Variants in NEK1 observed in about 807,000 individuals in gnomAD.
NEK1 encodes the protein serine/threonine-protein kinase Nek1.
NEK1 carries 137 observed loss-of-function variants against 182.1 expected under a neutral mutation model. The ratio of observed to expected loss-of-function variants is 0.75; its 90% CI spans 0.65 to 0.87. The LOEUF is 0.87. Among genes scored for constraint, NEK1 ranks in the 40% least tolerant of loss-of-function variants. The pLI is 0.00. For missense variants in NEK1, 1,391 were observed against 1,494.4 expected (o/e 0.93, Z 1.14); for synonymous variants, 513 against 492.2 (o/e 1.04, Z -0.56).
chr4:169,460,554 C>T (rs563654992), intron 27 of NEK1, among the ~76,000 whole-genome samples: 3 of 151,538 alleles, frequency 2.0e-5, no homozygotes, highest in Non-Finnish European at 4.4e-5. Flanking sequence ...ACTATGTATC[C>T]AAAACTCCTA....
chr4:169,455,537 T>C (rs1742706473), intron 27 of NEK1, among the ~76,000 whole-genome samples: 1 of 152,142 alleles, frequency 6.6e-6, no homozygotes, highest in Admixed American at 6.6e-5. Flanking sequence ...ATTATATAAT[T>C]ATAAAATGGT....
intron 12 of NEK1, among the ~76,000 whole-genome samples, chr4:169,567,020 G>A (rs1418273386): frequency 6.6e-6 from 1 of 152,006 alleles, no homozygotes; most frequent in Non-Finnish European, 1.5e-5. Flanking sequence ...AGCCTGGGAG[G>A]TGGAGGTTGT....
intron 24 of NEK1, 29 bp downstream of exon 24, chr4:169,479,374 T>A (rs756396441): frequency 6.3e-7 from 1 of 1,586,332 alleles, no homozygotes; most frequent in Non-Finnish European, 8.6e-7. Flanking sequence ...CTTTTGACTT[T>A]GAGGAGTTCT....
chr4:169,589,343 A>G (rs1336948633), intron 7 of NEK1, 104 bp downstream of exon 7: 16 of 727,002 alleles, frequency 2.2e-5, no homozygotes, highest in Non-Finnish European at 2.8e-5. Context: ...ACATCCCAGT[A>G]AAGAATGTAC....
At chr4:169,515,206 G>A (rs1754958111) in intron 19 of NEK1, among the ~76,000 whole-genome samples, 1 of 152,060 alleles carries the variant, frequency 6.6e-6, no homozygotes, top group African/African-American at 2.4e-5. Context: ...TTATAATTCA[G>A]TATATTATCT....
chr4:169,535,756 T>G (rs923983991), intron 19 of NEK1, among the ~76,000 whole-genome samples: 14 of 151,116 alleles, frequency 9.3e-5, no homozygotes, highest in Admixed American at 3.3e-4. Flanking sequence ...GACAGACGCC[T>G]GGAATCCCAG....
chr4:169,528,890 G>A (rs1018406347), intron 19 of NEK1, among the ~76,000 whole-genome samples: 1 of 151,814 alleles, frequency 6.6e-6, no homozygotes, highest in Non-Finnish European at 1.5e-5. Flanking sequence ...CCTAACAAAC[G>A]TAAAAGGACT....
At chr4:169,523,276 T>C (rs1458166167) in intron 19 of NEK1, among the ~76,000 whole-genome samples, 1 of 152,194 alleles carries the variant, frequency 6.6e-6, no homozygotes, top group Non-Finnish European at 1.5e-5. Flanking sequence ...ATTCATATGT[T>C]GAAGTCTCAA....
intron 23 of NEK1, among the ~76,000 whole-genome samples, chr4:169,498,906 T>C (rs1366749423): frequency 6.6e-6 from 1 of 152,122 alleles, no homozygotes; most frequent in African/African-American, 2.4e-5. Flanking sequence ...TCTCGAGGAG[T>C]ATCTTTGTGG....
chr4:169,516,538 T>C (rs1266382261), intron 19 of NEK1, among the ~76,000 whole-genome samples: 2 of 95,414 alleles, frequency 2.1e-5, no homozygotes, highest in Non-Finnish European at 3.9e-5. Context: ...TTGGCTTTTG[T>C]TGCCATTGCT....
intron 23 of NEK1, among the ~76,000 whole-genome samples, chr4:169,506,072 C>A (rs112904743): frequency 0.023 from 3,195 of 139,110 alleles, 52 homozygotes; most frequent in Middle Eastern, 0.046. Flanking sequence ...ATCAAAATTA[C>A]AATATGATTG....
intron 2 of NEK1, among the ~76,000 whole-genome samples, chr4:169,602,996 G>T (rs1357038201): frequency 6.6e-6 from 1 of 152,064 alleles, no homozygotes; most frequent in Non-Finnish European, 1.5e-5. Context: ...TCTCCAAAAA[G>T]AATGAAAACC....
chr4:169,513,003 A>G (rs1004626800), intron 19 of NEK1, among the ~76,000 whole-genome samples: 2 of 152,138 alleles, frequency 1.3e-5, no homozygotes, highest in South Asian at 2.1e-4. Flanking sequence ...TACTGTAGCT[A>G]TAAGTTAGCC....
At chr4:169,497,286 C>A (rs908396934) in intron 23 of NEK1, among the ~76,000 whole-genome samples, 1 of 151,532 alleles carries the variant, frequency 6.6e-6, no homozygotes, top group African/African-American at 2.4e-5. Flanking sequence ...CTATTTGATT[C>A]TTCTCTCTTT....
chr4:169,394,446 G>T lies in NEK1; in HGVS notation c.*64C>A. The T allele has an allele frequency of 1.9e-6, 2 of 1,039,056 alleles. No homozygotes were observed. The highest frequency in any genetic ancestry group is 2.1e-4 in the Middle Eastern group (1 of 4,878). 64.4% of individuals were successfully genotyped at this position (1,039,056 alleles called of 1,614,324 possible). ...ATTGCTGTATTTCCCACTGAAGCTT[G>T]TTATTCTGATAAGCCAAATTCAAAT... On this transcript the variant is annotated 3_prime_UTR_variant, in exon 36 of 36. Transcript: ENST00000507142.
In NEK1 at chr4:169,396,394, A is replaced by AAAG. The variant is rs1561111810; in HGVS notation, c.3848-1874_3848-1872dup. Among the ~76,000 whole-genome samples the AAAG allele has an allele frequency of 2.6e-3, 372 of 142,196 alleles. 1 individual carries two copies. The highest frequency in any genetic ancestry group is 9.8e-3 in the African/African-American group (363 of 36,918). The allele number at this position is 142,196 out of a possible 152,430, so 93.3% of individuals were successfully genotyped here. The stretch of plus-strand genomic sequence containing the variant: ...AAAAAAAAAAAAAAAAAAAAAAAAA[A>AAAG]AAGAAGAATCTATAAACTTGGGCCG... On this transcript the variant is annotated intron_variant, in intron 35 of 35. Transcript: ENST00000507142.
At chr4:169,426,295 G>T in intron 29 of NEK1, 61 bp from the exon 30 acceptor site, 2 of 1,358,260 alleles carry the variant, frequency 1.5e-6, no homozygotes, top group Non-Finnish European at 2.1e-6. Context: ...AAATAAAAGT[G>T]CTCTAAAATA....
chr4:169,437,108 T>C (rs1282022239), intron 28 of NEK1, among the ~76,000 whole-genome samples: 1 of 152,204 alleles, frequency 6.6e-6, no homozygotes, highest in Non-Finnish European at 1.5e-5. Flanking sequence ...GGTTGGATTT[T>C]AGAATTTCTA....
rs765039384 is a variant in NEK1 at position 169,590,751 on chromosome 4, A to T, written c.371T>A (p.Ile124Asn). ...CTGAGATTTAATGTCTCGATGAAGAATTTTTCTATCATGTACATGTTTCAG... is the reference window on the plus strand; with the variant it reads ...CTGAGATTTAATGTCTCGATGAAGATTTTTTCTATCATGTACATGTTTCAG... ...LALKHVHDRK[I>N]LHRDIKSQNI... The change falls in exon 6 of 36, where the codon ATT (isoleucine) becomes AAT (asparagine). Residue 124 changes from isoleucine to asparagine, a missense_variant. Ile to Asn is a moderately radical substitution (Grantham distance 149, BLOSUM62 -3). Transcript: ENST00000507142. The T allele has an allele frequency of 6.3e-7, 1 of 1,597,076 alleles. No individual in the cohort carries two copies. The highest frequency in any genetic ancestry group is 8.5e-7 in the Non-Finnish European group (1 of 1,170,822).
Sources: gnomAD v4.1 joint callset for allele counts (sites outside exome capture counted in the v4.1 genomes callset) on GRCh38, gnomAD v4.1.1 for gene constraint, MANE v1.5 for transcripts, NCBI Gene and HGNC (gene_info 2026-07-23, HGNC 2026-07-21) for gene names.